Variants in MACROD2 observed in about 807,000 individuals in gnomAD.
MACROD2 encodes the protein mono-ADP ribosylhydrolase 2.
A neutral mutation model predicts 70.4 loss-of-function variants in MACROD2; 36 were observed. The observed-to-expected ratio is 0.51, with a 90% confidence interval of 0.39 to 0.68. The LOEUF is 0.68. MACROD2 is among the 30% of genes least tolerant of loss of function. The probability of loss-of-function intolerance (pLI) is 0.00; values close to 1 mark genes in which losing one functional copy is unlikely to be tolerated. For synonymous variants in MACROD2, 172 were observed against 178.8 expected (o/e 0.96, Z 0.30); for missense variants, 496 against 538.4 (o/e 0.92, Z 0.78).
At chr20:14,387,598 A>G (rs1436203734) in intron 3 of MACROD2, among the ~76,000 whole-genome samples, 1 of 152,206 alleles carries the variant, frequency 6.6e-6, no homozygotes, top group African/African-American at 2.4e-5. Context: ...TGAACAGCCA[A>G]GCATATAAAA....
chr20:14,175,884 T>G (rs978413239), intron 3 of MACROD2, among the ~76,000 whole-genome samples: 6 of 152,192 alleles, frequency 3.9e-5, no homozygotes, highest in African/African-American at 1.4e-4. Context: ...CTTTCAGGGT[T>G]TTGGCATTTG....
At chr20:15,341,171 T>C (rs1325762911) in intron 6 of MACROD2, among the ~76,000 whole-genome samples, 1 of 152,228 alleles carries the variant, frequency 6.6e-6, no homozygotes. Flanking sequence ...CATTCATATT[T>C]TCTTTGGTAC....
Position 15,618,763 on chromosome 20 carries a change from C to T in MACROD2, c.645+118916C>T, listed in dbSNP as rs139519253. The stretch of plus-strand genomic sequence containing the variant: ...ACAGGACTTGTAACTGCCCAATGGG[C>T]TCACCTTACCCGGTGCCTAGACAGA... On this transcript the variant is annotated intron_variant, in intron 8 of 17. Coordinates refer to ENST00000684519, the MANE Select transcript of MACROD2 (RefSeq NM_001351661.2). Among the ~76,000 whole-genome samples, 618 of 152,282 alleles carry T rather than the reference C, an allele frequency of 4.1e-3. 2 individuals carry two copies. The highest frequency in any genetic ancestry group is 0.014 in the African/African-American group (593 of 41,580).
At chr20:15,291,808 G>T (rs561002667) in intron 6 of MACROD2, among the ~76,000 whole-genome samples, 45 of 152,068 alleles carry the variant, frequency 3.0e-4, no homozygotes, top group African/African-American at 8.9e-4. Flanking sequence ...AATCATCTTT[G>T]TTTCCAAAAA....
At position 16,035,651 on chromosome 20, in the gene MACROD2, G is replaced by A. The variant is rs144700141; in HGVS notation, c.1154-5550G>A. On this transcript the variant is annotated intron_variant, in intron 15 of 17. Coordinates refer to ENST00000684519, the MANE Select transcript of MACROD2 (RefSeq NM_001351661.2). ...AGTGTATTATTATGTGTGTTAGTTA[G>A]CTATCACCACAGTAATGTAATGCTT... Among the ~76,000 whole-genome samples, 1,045 of 152,090 alleles carry A rather than the reference G, an allele frequency of 6.9e-3. 9 individuals are homozygous for A. The highest frequency in any genetic ancestry group is 0.011 in the Non-Finnish European group (735 of 67,934).
chr20:14,022,889 A>G (rs999919882), intron 2 of MACROD2, among the ~76,000 whole-genome samples: 15 of 152,320 alleles, frequency 9.8e-5, no homozygotes, highest in Admixed American at 3.9e-4. Flanking sequence ...TAGTGCTGCA[A>G]TAAACCTATG....
intron 5 of MACROD2, among the ~76,000 whole-genome samples, chr20:14,978,874 TA>T (rs1204114767): frequency 1.5e-5 from 1 of 66,676 alleles, no homozygotes; most frequent in African/African-American, 5.2e-5. Flanking sequence ...ATATATTATA[TA>T]ATATATAAAA....
chr20:15,542,473 A>C (rs2047970268), intron 8 of MACROD2, among the ~76,000 whole-genome samples: 1 of 152,190 alleles, frequency 6.6e-6, no homozygotes, highest in Non-Finnish European at 1.5e-5. Context: ...GATGACCATA[A>C]TAGCCATCGA....
At chr20:14,593,667 T>C (rs1981929232) in intron 4 of MACROD2, among the ~76,000 whole-genome samples, 1 of 152,224 alleles carries the variant, frequency 6.6e-6, no homozygotes, top group Admixed American at 6.5e-5. Context: ...ATTAAAAAGA[T>C]ATTTACTTAT....
intron 7 of MACROD2, among the ~76,000 whole-genome samples, chr20:15,481,402 G>A (rs1194242734): frequency 6.6e-6 from 1 of 152,060 alleles, no homozygotes; most frequent in South Asian, 2.1e-4. Context: ...TTTCAATCTG[G>A]GTGATGAAAG....
intron 5 of MACROD2, among the ~76,000 whole-genome samples, chr20:15,157,406 C>T (rs2076316910): frequency 6.8e-6 from 1 of 147,850 alleles, no homozygotes; most frequent in Admixed American, 6.9e-5. Flanking sequence ...AATACCATCA[C>T]ATCAGGGGCT....
intron 6 of MACROD2, among the ~76,000 whole-genome samples, chr20:15,305,997 GC>G (rs1373737890): frequency 2.0e-5 from 3 of 152,078 alleles, no homozygotes; most frequent in African/African-American, 7.2e-5. Flanking sequence ...ATTTTCATCT[GC>G]CTCATTCTTC....
chr20:15,366,952 T>C (rs1047075603), intron 6 of MACROD2, among the ~76,000 whole-genome samples: 2 of 152,112 alleles, frequency 1.3e-5, no homozygotes, highest in Non-Finnish European at 2.9e-5. Flanking sequence ...AATCCATCCA[T>C]TTAATGTCTA....
intron 6 of MACROD2, among the ~76,000 whole-genome samples, chr20:15,427,231 G>C (rs407486): frequency 0.2 from 29,853 of 152,066 alleles, 3,203 homozygotes; most frequent in African/African-American, 0.25. Flanking sequence ...CCACATTCAA[G>C]GCAACGATGT....
chr20:14,856,633 T>C (rs543949612), intron 5 of MACROD2, among the ~76,000 whole-genome samples: 10 of 152,192 alleles, frequency 6.6e-5, no homozygotes, highest in Non-Finnish European at 1.3e-4. Flanking sequence ...GCCTTTAATG[T>C]GAACATGAAT....
intron 5 of MACROD2, among the ~76,000 whole-genome samples, chr20:14,882,905 A>G (rs1192429240): frequency 6.6e-6 from 1 of 152,284 alleles, no homozygotes; most frequent in African/African-American, 2.4e-5. Flanking sequence ...AATTCCACCA[A>G]TGCTGATATT....
intron 5 of MACROD2, among the ~76,000 whole-genome samples, chr20:14,823,125 T>C (rs963193771): frequency 5.9e-5 from 9 of 152,244 alleles, no homozygotes; most frequent in African/African-American, 2.2e-4. Flanking sequence ...TCTTTGAATA[T>C]GCAAAACAAA....
intron 6 of MACROD2, among the ~76,000 whole-genome samples, chr20:15,281,841 C>G (rs150388405): frequency 2.6e-4 from 39 of 152,224 alleles, no homozygotes; most frequent in African/African-American, 9.2e-4. Context: ...GACTCTAACC[C>G]CACATTTCCC....
At chr20:14,634,175 C>A (rs1984660916) in intron 4 of MACROD2, among the ~76,000 whole-genome samples, 1 of 152,208 alleles carries the variant, frequency 6.6e-6, no homozygotes, top group Non-Finnish European at 1.5e-5. Flanking sequence ...CAAGATCCAT[C>A]TGAGATGTGG....
Sources: allele counts gnomAD v4.1 joint callset (sites outside exome capture counted in the v4.1 genomes callset), GRCh38; gene constraint gnomAD v4.1.1; transcripts MANE v1.5; gene names NCBI Gene and HGNC (gene_info 2026-07-23, HGNC 2026-07-21).